Variants in ASIP observed in about 807,000 individuals in gnomAD.
ASIP encodes the protein agouti-signaling protein.
ASIP carries 11 observed loss-of-function variants against 10.3 expected under a neutral mutation model. The observed-to-expected ratio is 1.07, with a 90% CI of 0.68 to 1.78. The LOEUF (loss-of-function observed/expected upper bound fraction) is 1.78, where lower values mean the gene tolerates loss of function less well. ASIP is among the 40% of genes most tolerant of loss of function. The pLI is 0.00. For synonymous variants in ASIP, 70 were observed against 70.8 expected (o/e 0.99, Z 0.06); for missense variants, 180 against 169.2 (o/e 1.06, Z -0.35).
intron 1 of ASIP, among the ~76,000 whole-genome samples, chr20:34,206,727 AGC>A (rs2034939523): frequency 6.6e-6 from 1 of 152,092 alleles, no homozygotes; most frequent in Non-Finnish European, 1.5e-5. Context: ...TACAGGTGCA[AGC>A]CACCACGCCT....
intron 2 of ASIP, 141 bp downstream of exon 2, chr20:34,260,675 G>T (rs1023686658): frequency 1.4e-5 from 14 of 1,027,008 alleles, no homozygotes; most frequent in Non-Finnish European, 1.8e-5. Context: ...GGGAGAATAA[G>T]GTGGCCCTTG....
In ASIP at chr20:34,269,303, C is replaced by T. The variant is rs1446931598; in HGVS notation, c.*136C>T. On this transcript the variant is annotated 3_prime_UTR_variant, in exon 4 of 4. Transcript: ENST00000374954. ...CCAGGAGATGGGACTTCAGGGAGAC[C>T]TGGCTTGGGCTAAAATCGAAATACA... The T allele has an allele frequency of 1.8e-6, 2 of 1,122,136 alleles. No individual in the cohort carries two copies. Among genetic ancestry groups the T allele is most frequent in the East Asian group, 2.9e-5 (1 of 34,686 alleles). 69.5% of individuals were successfully genotyped at this position (1,122,136 alleles called of 1,614,324 possible). A position where few individuals can be genotyped will look rare whatever the true frequency, so the allele number is the denominator to read the frequency against.
the ASIP span, among the ~76,000 whole-genome samples, chr20:34,189,231 C>T: frequency 6.6e-6 from 1 of 152,078 alleles, no homozygotes; most frequent in Non-Finnish European, 1.5e-5. Flanking sequence ...AGCTTAACTG[C>T]TCCCCCTAAG....
intron 2 of ASIP, among the ~76,000 whole-genome samples, chr20:34,261,734 C>T (rs561200363): frequency 1.3e-5 from 2 of 150,890 alleles, no homozygotes; most frequent in East Asian, 3.9e-4. Flanking sequence ...CCCAGGAGGT[C>T]GACGCTGCAG....
chr20:34,201,123 C>T (rs1193103536), intron 1 of ASIP, among the ~76,000 whole-genome samples: 1 of 150,664 alleles, frequency 6.6e-6, no homozygotes, highest in African/African-American at 2.4e-5. Context: ...TAAGTTAGAG[C>T]CTCTATTTTT....
intron 1 of ASIP, among the ~76,000 whole-genome samples, chr20:34,196,381 G>C (rs2034857465): frequency 6.6e-6 from 1 of 151,786 alleles, no homozygotes; most frequent in African/African-American, 2.4e-5. Context: ...CACTGTGTTA[G>C]CCAGGATGGT....
intron 1 of ASIP, among the ~76,000 whole-genome samples, chr20:34,235,429 G>A (rs963021768): frequency 1.3e-5 from 2 of 152,104 alleles, no homozygotes; most frequent in Non-Finnish European, 2.9e-5. Flanking sequence ...GACACAGTGA[G>A]ACTCCATCTC....
chr20:34,257,557 T>C (rs1386496022), intron 1 of ASIP, among the ~76,000 whole-genome samples: 1 of 152,194 alleles, frequency 6.6e-6, no homozygotes, highest in African/African-American at 2.4e-5. Context: ...TTTAATTTTA[T>C]GTAACTAAAA....
At chr20:34,262,932 G>A in intron 3 of ASIP, 39 bp downstream of exon 3, 1 of 1,610,132 alleles carries the variant, frequency 6.2e-7, no homozygotes. Flanking sequence ...CATTGTTGGG[G>A]TGAGACTGGA....
At chr20:34,208,800 T>C (rs574423584) in intron 1 of ASIP, among the ~76,000 whole-genome samples, 1 of 152,360 alleles carries the variant, frequency 6.6e-6, no homozygotes, top group East Asian at 1.9e-4. Context: ...CTTGAATCAA[T>C]GTTTTATAGT....
At chr20:34,265,517 CT>C (rs2035769081) in intron 3 of ASIP, among the ~76,000 whole-genome samples, 1 of 151,942 alleles carries the variant, frequency 6.6e-6, no homozygotes, top group East Asian at 1.9e-4. Context: ...GAATAAGACC[CT>C]GTCTCAAAGA....
At chr20:34,189,130 A>T in the ASIP span, among the ~76,000 whole-genome samples, 1 of 152,218 alleles carries the variant, frequency 6.6e-6, no homozygotes, top group Admixed American at 6.5e-5. Flanking sequence ...TTTTCAGATG[A>T]GAAAACTGAG....
At chr20:34,188,697 G>A in the ASIP span, among the ~76,000 whole-genome samples, 1 of 152,092 alleles carries the variant, frequency 6.6e-6, no homozygotes, top group African/African-American at 2.4e-5. Context: ...TTTAAGCTTT[G>A]AAAAAGTTAT....
At chr20:34,235,894 GAA>G (rs2035192008) in intron 1 of ASIP, among the ~76,000 whole-genome samples, 1 of 85,012 alleles carries the variant, frequency 1.2e-5, no homozygotes, top group Non-Finnish European at 2.0e-5. Context: ...AGGAAGGAAG[GAA>G]GGAAAGGAAG....
intron 1 of ASIP, among the ~76,000 whole-genome samples, chr20:34,248,111 C>G (rs962744814): frequency 1.1e-4 from 17 of 152,112 alleles, no homozygotes; most frequent in African/African-American, 3.6e-4. Flanking sequence ...GAGGCTGAGG[C>G]AGAAGAATCG....
At chr20:34,268,272 C>G (rs1302693254) in intron 3 of ASIP, among the ~76,000 whole-genome samples, 1 of 152,176 alleles carries the variant, frequency 6.6e-6, no homozygotes, top group African/African-American at 2.4e-5. Context: ...GCAGCAGTGT[C>G]CAAGACAGCT....
chr20:34,214,985 G>A, intron 1 of ASIP: 2 of 1,405,688 alleles, frequency 1.4e-6, no homozygotes, highest in South Asian at 1.2e-5. Flanking sequence ...CCGTTTACCG[G>A]CTTAGAAAAT....
intron 1 of ASIP, among the ~76,000 whole-genome samples, chr20:34,253,415 T>C (rs1425747410): frequency 6.7e-6 from 1 of 149,830 alleles, no homozygotes; most frequent in African/African-American, 2.5e-5. Flanking sequence ...CTGATCTCTC[T>C]TTCTTTTCCC....
chr20:34,256,813 T>C (rs2035576975), intron 1 of ASIP, among the ~76,000 whole-genome samples: 1 of 152,160 alleles, frequency 6.6e-6, no homozygotes, highest in Admixed American at 6.5e-5. Flanking sequence ...TCTCACTGTG[T>C]TGCCCAGGCT....
Sources: allele counts gnomAD v4.1 joint callset (sites outside exome capture counted in the v4.1 genomes callset), GRCh38; gene constraint gnomAD v4.1.1; transcripts MANE v1.5; gene names NCBI Gene and HGNC (gene_info 2026-07-23, HGNC 2026-07-21).